The following LRRTM3 variants were observed in gnomAD, a reference collection of about 807,000 sequenced individuals.
LRRTM3 encodes leucine rich repeat transmembrane neuronal 3.
In LRRTM3, 24 loss-of-function variants were observed where a neutral mutation model predicts 44.7. The observed-to-expected ratio is 0.54, with a 90% CI of 0.39 to 0.76. LRRTM3 has a LOEUF of 0.76. LRRTM3 is among the 30% of genes least tolerant of loss of function. The probability of loss-of-function intolerance (pLI) is 0.00; values close to 1 mark genes in which losing one functional copy is unlikely to be tolerated. For missense variants in LRRTM3, 587 were observed against 702.2 expected, an observed-to-expected ratio of 0.84 and a Z score of 1.85; for synonymous variants, 277 against 278.7, an observed-to-expected ratio of 0.99 and a Z score of 0.06.
intron 2 of LRRTM3, among the ~76,000 whole-genome samples, chr10:66,949,050 T>C (rs139048158): frequency 6.6e-6 from 1 of 152,294 alleles, no homozygotes. Flanking sequence ...CAAACAAATA[T>C]AACAAATTTA....
At chr10:66,960,587 AAAAC>A (rs569198761) in intron 2 of LRRTM3, among the ~76,000 whole-genome samples, 5 of 152,224 alleles carry the variant, frequency 3.3e-5, no homozygotes, top group Non-Finnish European at 5.9e-5. Flanking sequence ...AAAAGAGAGA[AAAAC>A]AGAAGACATT....
At chr10:67,037,981 G>A (rs1160545286) in intron 2 of LRRTM3, among the ~76,000 whole-genome samples, 1 of 152,048 alleles carries the variant, frequency 6.6e-6, no homozygotes, top group African/African-American at 2.4e-5. Context: ...GGATTAACAT[G>A]AATAAACAGA....
At chr10:66,962,352 G>T (rs1473716965) in intron 2 of LRRTM3, among the ~76,000 whole-genome samples, 1 of 151,686 alleles carries the variant, frequency 6.6e-6, no homozygotes, top group South Asian at 2.1e-4. Flanking sequence ...TAATACTCTT[G>T]CCCCAAATGT....
chr10:67,074,413 C>G lies in LRRTM3; in HGVS notation c.1537-23174C>G, dbSNP rs542182089. Among the ~76,000 whole-genome samples the G allele has an allele frequency of 1.3e-4, 18 of 135,500 alleles. No homozygotes were observed. In the East Asian group the frequency reaches 1.3e-3, roughly 10 times the overall value. 88.9% of individuals were successfully genotyped at this position (135,500 alleles called of 152,430 possible). On this transcript the variant is annotated intron_variant, in intron 2 of 2. Transcript: ENST00000361320. ...TCGCCCAGGCTGAAGTGCAGTGGCACGATCTCGGCTCACTGCAAGCTCCAC... is the reference window on the plus strand; with the variant it reads ...TCGCCCAGGCTGAAGTGCAGTGGCAGGATCTCGGCTCACTGCAAGCTCCAC...
chr10:67,079,626 G>A (rs1344711289), intron 2 of LRRTM3, among the ~76,000 whole-genome samples: 4 of 152,072 alleles, frequency 2.6e-5, no homozygotes, highest in Non-Finnish European at 5.9e-5. Flanking sequence ...AAGGTGGGCA[G>A]ATCACAAGGT....
chr10:66,967,776 T>C (rs763623784), intron 2 of LRRTM3, among the ~76,000 whole-genome samples: 32 of 152,082 alleles, frequency 2.1e-4, no homozygotes, highest in Non-Finnish European at 4.1e-4. Flanking sequence ...GTTTAGTAGA[T>C]TTAAATTATC....
At chr10:67,074,185 A>G (rs1471721599) in intron 2 of LRRTM3, among the ~76,000 whole-genome samples, 6 of 151,436 alleles carry the variant, frequency 4.0e-5, no homozygotes, top group Non-Finnish European at 7.4e-5. Context: ...GGCACGTGCC[A>G]CCATGACCAG....
intron 2 of LRRTM3, among the ~76,000 whole-genome samples, chr10:66,998,678 T>C (rs1279032214): frequency 6.6e-6 from 1 of 152,096 alleles, no homozygotes; most frequent in African/African-American, 2.4e-5. Context: ...TCCAAACTCA[T>C]ATGTGAGAAA....
intron 2 of LRRTM3, among the ~76,000 whole-genome samples, chr10:67,067,528 A>G (rs1856167806): frequency 6.6e-6 from 1 of 152,234 alleles, no homozygotes; most frequent in Admixed American, 6.5e-5. Context: ...GTGCATAAAA[A>G]TGCTGACTAT....
intron 2 of LRRTM3, among the ~76,000 whole-genome samples, chr10:67,035,159 A>C (rs968547660): frequency 2.6e-5 from 4 of 152,214 alleles, no homozygotes; most frequent in African/African-American, 9.6e-5. Context: ...GCTGATACCA[A>C]GTACAAGTTC....
chr10:66,988,289 GT>G (rs1850848239), intron 2 of LRRTM3, among the ~76,000 whole-genome samples: 1 of 152,096 alleles, frequency 6.6e-6, no homozygotes, highest in African/African-American at 2.4e-5. Context: ...TTATATTCAA[GT>G]TTTCTGTTTG....
intron 2 of LRRTM3, among the ~76,000 whole-genome samples, chr10:67,043,354 C>A (rs1308575569): frequency 6.6e-6 from 1 of 151,964 alleles, no homozygotes; most frequent in African/African-American, 2.4e-5. Context: ...ATTACAGAAC[C>A]ACAGCAATAA....
chr10:67,000,850 A>G (rs778970038), intron 2 of LRRTM3, among the ~76,000 whole-genome samples: 1 of 152,184 alleles, frequency 6.6e-6, no homozygotes. Context: ...TGAGAATTTA[A>G]TTTTGGTATG....
chr10:67,031,448 T>C (rs567887433), intron 2 of LRRTM3, among the ~76,000 whole-genome samples: 61 of 152,338 alleles, frequency 4.0e-4, no homozygotes, highest in African/African-American at 1.4e-3. Flanking sequence ...CACTAATGTA[T>C]TGAATTAACA....
chr10:67,008,798 C>T (rs1852158262), intron 2 of LRRTM3, among the ~76,000 whole-genome samples: 1 of 152,062 alleles, frequency 6.6e-6, no homozygotes, highest in Admixed American at 6.6e-5. Flanking sequence ...GACAGAAGGC[C>T]CCAGTGCATA....
At chr10:67,031,519 A>G (rs1853725861) in intron 2 of LRRTM3, among the ~76,000 whole-genome samples, 1 of 152,240 alleles carries the variant, frequency 6.6e-6, no homozygotes, top group South Asian at 2.1e-4. Context: ...AAAAAGGAAT[A>G]CTGCCAAGTA....
At chr10:67,077,824 TAAAG>T (rs1233748322) in intron 2 of LRRTM3, among the ~76,000 whole-genome samples, 1 of 151,786 alleles carries the variant, frequency 6.6e-6, no homozygotes, top group Non-Finnish European at 1.5e-5. Flanking sequence ...AATGAATTAA[TAAAG>T]AGAGAAAATT....
chr10:66,954,673 T>C (rs1244013141), intron 2 of LRRTM3, among the ~76,000 whole-genome samples: 1 of 152,170 alleles, frequency 6.6e-6, no homozygotes, highest in Non-Finnish European at 1.5e-5. Context: ...TGGATTAAAA[T>C]CCAATGTGCT....
At chr10:66,934,046 G>C (rs185923251) in intron 2 of LRRTM3, among the ~76,000 whole-genome samples, 3 of 152,004 alleles carry the variant, frequency 2.0e-5, no homozygotes, top group African/African-American at 7.2e-5. Flanking sequence ...TCCTGAACAC[G>C]TGAGGAAAAT....
Sources: gnomAD v4.1 joint callset for allele counts (sites outside exome capture counted in the v4.1 genomes callset) on GRCh38, gnomAD v4.1.1 for gene constraint, MANE v1.5 for transcripts, NCBI Gene and HGNC (gene_info 2026-07-23, HGNC 2026-07-21) for gene names.